Variants in WDR70 observed in about 807,000 individuals in gnomAD.
WDR70 encodes WD repeat domain 70, also known as WD repeat-containing protein 70.
WDR70 carries 53 observed loss-of-function variants against 88.6 expected under a neutral mutation model. The ratio of observed to expected loss-of-function variants is 0.60; its 90% CI spans 0.48 to 0.75. The LOEUF is 0.75. Among genes scored for constraint, WDR70 ranks in the 30% least tolerant of loss-of-function variants. The pLI is 0.00. For synonymous variants in WDR70, 280 were observed against 270.0 expected (o/e 1.04, Z -0.36); for missense variants, 610 against 823.2 (o/e 0.74, Z 3.17).
chr5:37,680,987 A>G (rs1746413338), intron 10 of WDR70, among the ~76,000 whole-genome samples: 1 of 152,236 alleles, frequency 6.6e-6, no homozygotes, highest in Non-Finnish European at 1.5e-5. Flanking sequence ...TATCATTAGT[A>G]GTTTGATAGG....
chr5:37,505,940 T>C (rs1404238387), intron 8 of WDR70: 23 of 1,491,958 alleles, frequency 1.5e-5, no homozygotes, highest in Non-Finnish European at 2.1e-5. Context: ...GATTAGCACC[T>C]TCTAAATTGG....
rs1581257576 is a variant in WDR70, at chr5:37,411,827, A to AT, written c.492+15264dup. 2.6e-5 allele frequency among the ~76,000 whole-genome samples: 4 copies of AT among 152,180 alleles called. No individual in the cohort carries two copies. In the East Asian group the frequency reaches 7.7e-4, roughly 29 times the overall value. Reference sequence around the variant, plus strand: ...AACCACACTGTCCCAACTGTGATTAATTTTTTTGTTTCTTATATGTATTTT... The same window carrying AT: ...AACCACACTGTCCCAACTGTGATTAATTTTTTTTGTTTCTTATATGTATTTT... On this transcript the variant is annotated intron_variant, in intron 5 of 17. Coordinates refer to ENST00000265107, the MANE Select transcript of WDR70 (RefSeq NM_018034.4).
intron 9 of WDR70, among the ~76,000 whole-genome samples, chr5:37,534,637 A>G (rs1250263766): frequency 6.6e-6 from 1 of 151,756 alleles, no homozygotes; most frequent in Admixed American, 6.6e-5. Context: ...AGCTGGGATT[A>G]CAGGCTCCCA....
chr5:37,673,944 T>C (rs936248542), intron 10 of WDR70, among the ~76,000 whole-genome samples: 1 of 152,076 alleles, frequency 6.6e-6, no homozygotes, highest in Non-Finnish European at 1.5e-5. Context: ...AAAAGGACAT[T>C]ATCTTCTTCA....
chr5:37,443,122 G>A, intron 6 of WDR70, 117 bp from the exon 7 acceptor site: 1 of 1,113,156 alleles, frequency 9.0e-7, no homozygotes, highest in Non-Finnish European at 1.2e-6. Flanking sequence ...ATAGTTGGTG[G>A]TTTGTACTTC....
chr5:37,529,229 T>C (rs1034072356), intron 9 of WDR70, among the ~76,000 whole-genome samples: 4 of 152,164 alleles, frequency 2.6e-5, no homozygotes, highest in East Asian at 3.8e-4. Flanking sequence ...TATGGCCTTA[T>C]AGTATAGTTT....
At chr5:37,499,525 T>A (rs1298215250) in intron 8 of WDR70, among the ~76,000 whole-genome samples, 2 of 151,774 alleles carry the variant, frequency 1.3e-5, no homozygotes, top group African/African-American at 4.8e-5. Context: ...TTTTTCAGTT[T>A]TTTTTTAAAA....
rs372961671 is a variant in WDR70, at chr5:37,676,596, C to G, written c.1093-21059C>G. Among the ~76,000 whole-genome samples the G allele has an allele frequency of 6.9e-3, 1,042 of 151,784 alleles. 15 individuals are homozygous for G. Among genetic ancestry groups the G allele is most frequent in the African/African-American group, 0.021 (872 of 41,262 alleles). On this transcript the variant is annotated intron_variant, in intron 10 of 17. Coordinates refer to ENST00000265107, the MANE Select transcript of WDR70 (RefSeq NM_018034.4). ...CCAGGGATGAAGCCCACTTGATCAT[C>G]GTGGATAAGCTTTTTGATGTGCTGC... is the stretch of plus-strand genomic sequence containing the variant.
intron 9 of WDR70, among the ~76,000 whole-genome samples, chr5:37,603,282 A>T (rs187500113): frequency 2.8e-4 from 43 of 152,336 alleles, no homozygotes; most frequent in Middle Eastern, 3.4e-3. Context: ...CAGACACATC[A>T]ACTACTGGAA....
chr5:37,466,990 C>CT (rs746136453), intron 7 of WDR70, among the ~76,000 whole-genome samples: 3 of 151,978 alleles, frequency 2.0e-5, no homozygotes, highest in Non-Finnish European at 2.9e-5. Context: ...ATTCCTAACA[C>CT]TTTGGGAGGC....
chr5:37,623,169 C>T (rs1744563835), intron 10 of WDR70, among the ~76,000 whole-genome samples: 1 of 152,140 alleles, frequency 6.6e-6, no homozygotes, highest in African/African-American at 2.4e-5. Context: ...ATACCTTTCT[C>T]ACTATGAGAT....
At chr5:37,479,013 C>G (rs1032789304) in intron 7 of WDR70, among the ~76,000 whole-genome samples, 12 of 152,040 alleles carry the variant, frequency 7.9e-5, no homozygotes, top group Non-Finnish European at 1.6e-4. Context: ...AACAGCTTAG[C>G]TGTGAAGGGG....
At chr5:37,678,986 C>G (rs1232499047) in intron 10 of WDR70, among the ~76,000 whole-genome samples, 1 of 152,242 alleles carries the variant, frequency 6.6e-6, no homozygotes, top group Non-Finnish European at 1.5e-5. Context: ...TTCATTTCAT[C>G]TTCCATCACT....
intron 10 of WDR70, among the ~76,000 whole-genome samples, chr5:37,644,375 T>G (rs1413016461): frequency 1.4e-5 from 2 of 146,550 alleles, no homozygotes; most frequent in East Asian, 3.9e-4. Flanking sequence ...GTTGTTGAAT[T>G]CATTTGCTGG....
intron 9 of WDR70, among the ~76,000 whole-genome samples, chr5:37,576,993 G>A (rs1380242909): frequency 6.6e-6 from 1 of 152,142 alleles, no homozygotes; most frequent in African/African-American, 2.4e-5. Context: ...TGGTGGAAAA[G>A]AAGGGACAAG....
chr5:37,576,623 A>G (rs1237281966), intron 9 of WDR70, among the ~76,000 whole-genome samples: 3 of 152,144 alleles, frequency 2.0e-5, no homozygotes, highest in East Asian at 3.9e-4. Flanking sequence ...TTCCAGTCCT[A>G]TCTATCAAAG....
chr5:37,531,380 TC>T (rs1255215005), intron 9 of WDR70, among the ~76,000 whole-genome samples: 1 of 152,014 alleles, frequency 6.6e-6, no homozygotes, highest in African/African-American at 2.4e-5. Flanking sequence ...AGTATTGAAG[TC>T]CCCCTCTATT....
In WDR70 at chr5:37,722,981, C is replaced by T. The variant is rs771705813; in HGVS notation, c.1597+47C>T. 8 of 1,602,356 alleles carry T rather than the reference C, an allele frequency of 5.0e-6. No homozygotes were observed. In the South Asian group the frequency reaches 6.6e-5, roughly 13 times the overall value. On this transcript the variant is annotated intron_variant, in intron 15 of 17. Coordinates refer to ENST00000265107, the MANE Select transcript of WDR70 (RefSeq NM_018034.4). ...CAATCATGCATCTCTCTTCTACTCT[C>T]ATGTGGTTTTGATTGCATAGCTTTA...
chr5:37,531,654 CCGTGG>C (rs1741491041), intron 9 of WDR70, among the ~76,000 whole-genome samples: 1 of 120,752 alleles, frequency 8.3e-6, no homozygotes, highest in East Asian at 2.5e-4. Flanking sequence ...GCGTCCATTT[CCGTGG>C]AATGGCTTTT....
Sources: allele counts gnomAD v4.1 joint callset (sites outside exome capture counted in the v4.1 genomes callset), GRCh38; gene constraint gnomAD v4.1.1; transcripts MANE v1.5; gene names NCBI Gene and HGNC (gene_info 2026-07-23, HGNC 2026-07-21).